The following NPHS1 variants were observed in gnomAD, a reference collection of about 807,000 sequenced individuals.
NPHS1 encodes the protein nephrin.
NPHS1 carries 107 observed loss-of-function variants against 139.7 expected under a neutral mutation model. The observed-to-expected ratio is 0.77, with a 90% CI of 0.66 to 0.90. The LOEUF is 0.90. Ranked by LOEUF, NPHS1 falls within the 40% of genes least tolerant of loss-of-function variation. The pLI is 0.00. For missense variants in NPHS1, 1,580 were observed against 1,654.2 expected (o/e 0.96, Z 0.78); for synonymous variants, 707 against 706.6 (o/e 1.00, Z -0.01).
chr19:35,841,796 C>A lies in NPHS1; in HGVS notation c.2734G>T (p.Ala912Ser). 1 of 1,614,124 alleles carries A rather than the reference C, an allele frequency of 6.2e-7. No homozygotes were observed. Among genetic ancestry groups the A allele is most frequent in the Non-Finnish European group, 8.5e-7 (1 of 1,180,024 alleles). Residue 912 changes from alanine (A) to serine (S), a missense_variant, in exon 20 of 29, where the codon GCC (alanine) becomes TCC (serine). Coordinates refer to ENST00000378910, the MANE Select transcript of NPHS1 (RefSeq NM_004646.4). The stretch of plus-strand genomic sequence containing the variant: ...CATGTGAAGAGGGCGTAATCCTGGG[C>A]GGCAGACACGTTGGCAATGGTCAGG... The part of the protein sequence containing the change: ...SLLTIANVSA[A>S]QDYALFTCTA...
At chr19:35,827,071 G>C (rs1204959818) in intron 28 of NPHS1, among the ~76,000 whole-genome samples, 1 of 152,076 alleles carries the variant, frequency 6.6e-6, no homozygotes, top group Non-Finnish European at 1.5e-5. Flanking sequence ...CACCTTCTGG[G>C]CTCAATCCAT....
rs1311816895 is a variant in NPHS1 at position 35,844,263 on chromosome 19, G to A, written c.2072-20C>T. ...CGCCCGCTGGGGAAGGCCAGAATAA[G>A]GGACCTGGCAGGACCTCCCATCCCC... On this transcript the variant is annotated intron_variant, in intron 15 of 28. Transcript: ENST00000378910. The A allele has an allele frequency of 3.1e-6, 5 of 1,613,636 alleles. No homozygotes were observed. The highest frequency in any genetic ancestry group is 4.2e-6 in the Non-Finnish European group (5 of 1,179,916).
Position 35,849,023 on chromosome 19 carries a change from C to T in NPHS1, c.965G>A (p.Ser322Asn). ...GTGCTCCTGGGTCCCTGCAGACACG[C>T]TGTTGTGGGCCTCGCAGCTGAGCTG... ...GAQLSCEAHNSVSAGTQEHGI... is the reference protein window; with the variant it reads ...GAQLSCEAHNNVSAGTQEHGI... The change falls in exon 8 of 29, where the codon AGC becomes AAC. Residue 322 changes from serine to asparagine, a missense_variant. Transcript: ENST00000378910. 1 of 1,612,320 alleles carries T rather than the reference C, an allele frequency of 6.2e-7. No individual in the cohort carries two copies. The highest frequency in any genetic ancestry group is 1.1e-5 in the South Asian group (1 of 91,046).
Position 35,849,586 on chromosome 19 carries a change from C to A in NPHS1, c.676G>T (p.Ala226Ser). The A allele has an allele frequency of 6.2e-7, 1 of 1,614,070 alleles. No homozygotes were observed. Among genetic ancestry groups the A allele is most frequent in the Non-Finnish European group, 8.5e-7 (1 of 1,179,986 alleles). The part of the protein sequence containing the change: ...VCEASSPALE[A>S]PIKASFTVNV... ...ACGGTGAATGAGGCCTTGATGGGGG[C>A]CTCCAGTGCTGGGCTAGACGCCTCA... is the stretch of plus-strand genomic sequence containing the variant. Residue 226 changes from alanine (A) to serine (S), a missense_variant, in exon 6 of 29, where the codon GCC (alanine) becomes TCC (serine). Physicochemically the swap from Ala to Ser is moderately conservative, Grantham distance 99. Transcript: ENST00000378910.
At chr19:35,834,329 G>T (rs1972924998) in intron 23 of NPHS1, among the ~76,000 whole-genome samples, 1 of 152,164 alleles carries the variant, frequency 6.6e-6, no homozygotes, top group Non-Finnish European at 1.5e-5. Flanking sequence ...AGTGTGGGAA[G>T]GGGGCAACCC....
chr19:35,838,616 A>G (rs1013187484), intron 22 of NPHS1, among the ~76,000 whole-genome samples: 1 of 151,818 alleles, frequency 6.6e-6, no homozygotes, highest in African/African-American at 2.4e-5. Flanking sequence ...TTGGGAGGCC[A>G]AGGTGAGTGG....
intron 23 of NPHS1, among the ~76,000 whole-genome samples, chr19:35,833,184 G>A (rs949607078): frequency 4.6e-5 from 7 of 151,934 alleles, no homozygotes; most frequent in East Asian, 2.0e-4. Context: ...GCGAGCCACC[G>A]TGCCCAGCCT....
chr19:35,828,308 C>T (rs1972826323), intron 28 of NPHS1, among the ~76,000 whole-genome samples: 3 of 151,954 alleles, frequency 2.0e-5, no homozygotes, highest in African/African-American at 7.2e-5. Context: ...GTTTGTTGCC[C>T]AGGCTGGAGT....
chr19:35,830,959 G>C lies in NPHS1; in HGVS notation c.3482-3C>G, dbSNP rs757131733. On this transcript the variant is annotated splice_region_variant and splice_polypyrimidine_tract_variant and intron_variant, in intron 27 of 28. Coordinates refer to ENST00000378910, the MANE Select transcript of NPHS1 (RefSeq NM_004646.4). ...ATCCTCATCTTCACCTGTGAAACCT[G>C]GAGTTGGAGTGGAAGGGAGACACGA... is the stretch of plus-strand genomic sequence containing the variant. 36 of 1,610,158 alleles carry C rather than the reference G, an allele frequency of 2.2e-5. No individual in the cohort carries two copies. The East Asian group carries it at 7.4e-4, about 33-fold the overall frequency.
In NPHS1 at chr19:35,826,421, A is replaced by C; in HGVS notation, c.*93T>G. On this transcript the variant is annotated 3_prime_UTR_variant, in exon 29 of 29. Transcript: ENST00000378910. ...CACCAAGTCCCTTTGGGTTTTATGG[A>C]GCTCACCTAACCAGCTCGGCCCAGG... The C allele has an allele frequency of 6.7e-7, 1 of 1,491,418 alleles. No homozygotes were observed. Among genetic ancestry groups the C allele is most frequent in the East Asian group, 2.3e-5 (1 of 44,018 alleles). 92.4% of individuals were successfully genotyped at this position (1,491,418 alleles called of 1,614,324 possible).
rs1265305470 is a variant in NPHS1 at position 35,852,079 on chromosome 19, C to CTTTTTTCTTTT, written c.-253_-243dup. Among the ~76,000 whole-genome samples the CTTTTTTCTTTT allele has an allele frequency of 2.7e-5, 4 of 148,284 alleles. No homozygotes were observed. The highest frequency in any genetic ancestry group is 7.5e-5 in the African/African-American group (3 of 40,112). ...TGTCTCTTTAAAAAAACTTTTTTTT[C>CTTTTTTCTTTT]TTTTTTCTTTTTTTTTTCTTTTTTT... is the stretch of plus-strand genomic sequence containing the variant. On this transcript the variant is annotated 5_prime_UTR_variant, in exon 1 of 29. Transcript: ENST00000378910.
chr19:35,846,404 C>G lies in NPHS1; in HGVS notation c.1441-210G>C, dbSNP rs533691775. Among the ~76,000 whole-genome samples, 4 of 152,324 alleles carry G rather than the reference C, an allele frequency of 2.6e-5. No individual in the cohort carries two copies. In the South Asian group the frequency reaches 8.3e-4, roughly 32 times the overall value. On this transcript the variant is annotated intron_variant, in intron 11 of 28. Transcript: ENST00000378910. ...CCCTCCCTGGAGTCTCTCCCGCCTC[C>G]CCGAGTCCCTGTGCATGGCAGTTTT... is the stretch of plus-strand genomic sequence containing the variant.
Position 35,848,803 on chromosome 19 carries a change from A to G in NPHS1, c.1013-9T>C, listed in dbSNP as rs2146827251. Reference sequence around the variant, plus strand: ...AATGGCACTAGGGGGAACTGCAGGGACAGAGAAGGAAGACACTAAGCTGGG... The same window carrying G: ...AATGGCACTAGGGGGAACTGCAGGGGCAGAGAAGGAAGACACTAAGCTGGG... On this transcript the variant is annotated splice_polypyrimidine_tract_variant and intron_variant, in intron 8 of 28. Coordinates refer to ENST00000378910, the MANE Select transcript of NPHS1 (RefSeq NM_004646.4). 3 of 1,614,178 alleles carry G rather than the reference A, an allele frequency of 1.9e-6. No individual in the cohort carries two copies. The highest frequency in any genetic ancestry group is 2.5e-6 in the Non-Finnish European group (3 of 1,180,024).
Position 35,849,335 on chromosome 19 carries a change from C to A in NPHS1, c.741G>T (p.Trp247Cys), listed in dbSNP as rs758490906. ...GCACGTGCCCCTCATCCAGGCCTGG[C>A]CACTCGATGACAGGGGGTCCTGGAG... ...LFPPGPPVIE[W>C]PGLDEGHVRA... Residue 247 changes from tryptophan (W) to cysteine (C), a missense_variant, in exon 7 of 29, where the codon TGG (tryptophan) becomes TGT (cysteine). Coordinates refer to ENST00000378910, the MANE Select transcript of NPHS1 (RefSeq NM_004646.4). 2 of 1,612,668 alleles carry A rather than the reference C, an allele frequency of 1.2e-6. No individual in the cohort carries two copies. The highest frequency in any genetic ancestry group is 1.7e-6 in the Non-Finnish European group (2 of 1,179,900).
intron 23 of NPHS1, among the ~76,000 whole-genome samples, chr19:35,834,481 G>A (rs1972927127): frequency 6.6e-6 from 1 of 152,172 alleles, no homozygotes; most frequent in Non-Finnish European, 1.5e-5. Context: ...TCATTATACA[G>A]CAAAAGCTAA....
At chr19:35,839,712 A>T in intron 20 of NPHS1, 105 bp from the exon 21 acceptor site, 1 of 877,650 alleles carries the variant, frequency 1.1e-6, no homozygotes, top group Non-Finnish European at 1.9e-6. Context: ...ATCGCTTCTC[A>T]TTGTTCATAG....
intron 9 of NPHS1, 38 bp downstream of exon 9, chr19:35,848,599 C>G (rs778941784): frequency 1.2e-6 from 2 of 1,611,680 alleles, no homozygotes; most frequent in Non-Finnish European, 8.5e-7. Flanking sequence ...CCTCAGCCCC[C>G]TCCATGCTCA....
In NPHS1 at chr19:35,830,952, G is replaced by A. The variant is rs1280850592; in HGVS notation, c.3486C>T (p.Phe1162=). The A allele has an allele frequency of 1.9e-6, 3 of 1,612,582 alleles. No individual in the cohort carries two copies. The highest frequency in any genetic ancestry group is 4.5e-5 in the East Asian group (2 of 44,882). The stretch of plus-strand genomic sequence containing the variant: ...AGGCCATATCCTCATCTTCACCTGT[G>A]AAACCTGGAGTTGGAGTGGAAGGGA... ...TQEEVSYSRG[F]TGEDEDMAFP... The change falls in exon 28 of 29, where the codon TTC becomes TTT. Residue 1162 remains phenylalanine (F), a synonymous_variant. Coordinates refer to ENST00000378910, the MANE Select transcript of NPHS1 (RefSeq NM_004646.4).
intron 20 of NPHS1, among the ~76,000 whole-genome samples, chr19:35,840,663 C>T (rs1249442412): frequency 6.7e-6 from 1 of 148,670 alleles, no homozygotes; most frequent in East Asian, 2.0e-4. Flanking sequence ...CTCATCATAG[C>T]ATTTGCGTCA....
Sources: gnomAD v4.1 joint callset for allele counts (sites outside exome capture counted in the v4.1 genomes callset) on GRCh38, gnomAD v4.1.1 for gene constraint, MANE v1.5 for transcripts, NCBI Gene and HGNC (gene_info 2026-07-23, HGNC 2026-07-21) for gene names.